Variants in DTNA observed in about 807,000 individuals in gnomAD.
The protein encoded by DTNA is dystrophin-related protein 3.
DTNA carries 43 observed loss-of-function variants against 100.7 expected under a neutral mutation model. The ratio of observed to expected loss-of-function variants is 0.43; its 90% CI spans 0.33 to 0.55. The LOEUF is 0.55. Ranked by LOEUF, DTNA falls within the 20% of genes least tolerant of loss-of-function variation. The pLI, the probability that DTNA is intolerant of heterozygous loss-of-function variation, is 0.04. For synonymous variants in DTNA, 349 were observed against 347.9 expected (o/e 1.00, Z -0.04); for missense variants, 798 against 953.9 (o/e 0.84, Z 2.15).
At chr18:34,749,643 A>AAAAAAAAAAAATAAT (rs1210485347) in intron 1 of DTNA, among the ~76,000 whole-genome samples, 2 of 39,810 alleles carry the variant, frequency 5.0e-5, no homozygotes, top group African/African-American at 1.4e-4. Context: ...TCTCTCCAAA[A>AAAAAAAAAAAATAAT]AATAATAATA....
At chr18:34,877,261 A>C (rs1205467670) in intron 18 of DTNA, among the ~76,000 whole-genome samples, 1 of 152,208 alleles carries the variant, frequency 6.6e-6, no homozygotes, top group Non-Finnish European at 1.5e-5. Context: ...AGTAGAGACC[A>C]GAATCTAAAG....
intron 1 of DTNA, among the ~76,000 whole-genome samples, chr18:34,560,223 G>T (rs983483908): frequency 5.3e-5 from 8 of 152,058 alleles, no homozygotes; most frequent in African/African-American, 1.9e-4. Flanking sequence ...GTCTTCTGTA[G>T]CAGACCACAA....
At chr18:34,523,201 C>A in intron 1 of DTNA, among the ~76,000 whole-genome samples, 1 of 152,236 alleles carries the variant, frequency 6.6e-6, no homozygotes, top group Non-Finnish European at 1.5e-5. Flanking sequence ...GGAGAATCAC[C>A]AATATACTCC....
At chr18:34,715,389 G>A (rs1024180109) in intron 1 of DTNA, among the ~76,000 whole-genome samples, 1 of 151,702 alleles carries the variant, frequency 6.6e-6, no homozygotes, top group Non-Finnish European at 1.5e-5. Context: ...ATTTTAGAGT[G>A]GTATTACTAT....
At chr18:34,524,842 A>C (rs577100907) in intron 1 of DTNA, among the ~76,000 whole-genome samples, 48 of 152,278 alleles carry the variant, frequency 3.2e-4, no homozygotes, top group African/African-American at 1.1e-3. Context: ...ATTTGTGTCC[A>C]ACCGATAGAG....
At chr18:34,538,592 T>C (rs2043948236) in intron 1 of DTNA, among the ~76,000 whole-genome samples, 1 of 151,998 alleles carries the variant, frequency 6.6e-6, no homozygotes, top group Non-Finnish European at 1.5e-5. Flanking sequence ...TTTAGTTTCC[T>C]CATATGAAGA....
intron 15 of DTNA, among the ~76,000 whole-genome samples, chr18:34,854,063 G>A (rs771866513): frequency 5.9e-5 from 9 of 152,110 alleles, no homozygotes; most frequent in Non-Finnish European, 1.3e-4. Flanking sequence ...CAGAGGGCTC[G>A]AAGCAAACAA....
chr18:34,827,942 A>G (rs1313937317), intron 10 of DTNA, among the ~76,000 whole-genome samples: 1 of 152,222 alleles, frequency 6.6e-6, no homozygotes, highest in Non-Finnish European at 1.5e-5. Flanking sequence ...CAGTTTTACT[A>G]CTGACACACA....
chr18:34,556,450 A>T (rs2046058796), intron 1 of DTNA, among the ~76,000 whole-genome samples: 1 of 147,070 alleles, frequency 6.8e-6, no homozygotes, highest in Admixed American at 6.7e-5. Flanking sequence ...TAGTTGATGC[A>T]GTTTCTTCCT....
intron 3 of DTNA, among the ~76,000 whole-genome samples, chr18:34,773,426 G>A (rs2093884649): frequency 6.6e-6 from 1 of 152,172 alleles, no homozygotes; most frequent in African/African-American, 2.4e-5. Flanking sequence ...TAAAAGAGAG[G>A]GATCAGAGGA....
chr18:34,580,721 TA>T (rs2048532704), intron 1 of DTNA, among the ~76,000 whole-genome samples: 2 of 152,176 alleles, frequency 1.3e-5, no homozygotes, highest in African/African-American at 4.8e-5. Context: ...TTTCCAGGTA[TA>T]TGGATATCTC....
At chr18:34,618,521 T>A (rs999242193) in intron 1 of DTNA, among the ~76,000 whole-genome samples, 2 of 152,156 alleles carry the variant, frequency 1.3e-5, no homozygotes, top group African/African-American at 2.4e-5. Context: ...TGACTCACTT[T>A]ACAATTCTCT....
intron 1 of DTNA, among the ~76,000 whole-genome samples, chr18:34,639,364 G>A (rs1475260010): frequency 6.6e-6 from 1 of 152,174 alleles, no homozygotes; most frequent in Non-Finnish European, 1.5e-5. Flanking sequence ...AGTGTCCTCT[G>A]GAGAGAAACA....
chr18:34,780,415 T>C (rs1309673387), intron 3 of DTNA, among the ~76,000 whole-genome samples: 1 of 152,182 alleles, frequency 6.6e-6, no homozygotes, highest in Non-Finnish European at 1.5e-5. Context: ...GAGAAAAGCA[T>C]GTGGACCAGC....
chr18:34,577,719 G>A (rs2048240324), intron 1 of DTNA, among the ~76,000 whole-genome samples: 2 of 152,160 alleles, frequency 1.3e-5, no homozygotes, highest in South Asian at 2.1e-4. Context: ...ACTTGACTTA[G>A]AATAGTAGTC....
At chr18:34,654,529 C>T (rs751796558) in intron 1 of DTNA, among the ~76,000 whole-genome samples, 2 of 152,146 alleles carry the variant, frequency 1.3e-5, no homozygotes, top group Non-Finnish European at 2.9e-5. Flanking sequence ...TCAGAACACA[C>T]GCAGTACCTT....
chr18:34,851,548 C>T (rs2096478670), intron 14 of DTNA, among the ~76,000 whole-genome samples: 1 of 152,122 alleles, frequency 6.6e-6, no homozygotes, highest in East Asian at 1.9e-4. Flanking sequence ...AAATCACTTC[C>T]CAAAGATTTT....
intron 1 of DTNA, among the ~76,000 whole-genome samples, chr18:34,686,438 C>A (rs910677796): frequency 6.6e-6 from 1 of 152,094 alleles, no homozygotes; most frequent in African/African-American, 2.4e-5. Context: ...TGATGGACTA[C>A]GTTTATTGAT....
At chr18:34,775,746 G>A (rs949548183) in intron 3 of DTNA, among the ~76,000 whole-genome samples, 1 of 152,120 alleles carries the variant, frequency 6.6e-6, no homozygotes, top group African/African-American at 2.4e-5. Flanking sequence ...TTTTTCCTCA[G>A]AGCTTCTAAA....
Sources: allele counts gnomAD v4.1 joint callset (sites outside exome capture counted in the v4.1 genomes callset), GRCh38; gene constraint gnomAD v4.1.1; transcripts MANE v1.5; gene names NCBI Gene and HGNC (gene_info 2026-07-23, HGNC 2026-07-21).